The following HIVEP3 variants were observed in gnomAD, a reference collection of about 807,000 sequenced individuals.
HIVEP3 encodes transcription factor HIVEP3.
Under a neutral mutation model 152.8 loss-of-function variants are expected in HIVEP3, and 49 were observed. The ratio of observed to expected loss-of-function variants is 0.32; its 90% CI spans 0.26 to 0.41. The LOEUF (loss-of-function observed/expected upper bound fraction) is 0.41, where lower values mean the gene tolerates loss of function less well. Among genes scored for constraint, HIVEP3 ranks in the 10% least tolerant of loss-of-function variants. The pLI is 1.00. For synonymous variants in HIVEP3, 1,269 were observed against 1,289.0 expected (o/e 0.98, Z 0.33); for missense variants, 2,790 against 3,103.3 (o/e 0.90, Z 2.40).
At chr1:41,579,612 A>T in intron 4 of HIVEP3, 125 bp downstream of exon 4, 1 of 1,106,754 alleles carries the variant, frequency 9.0e-7, no homozygotes, top group Non-Finnish European at 1.3e-6. Flanking sequence ...CAGCTTTCAG[A>T]GAGGAAATCT....
intron 1 of HIVEP3, among the ~76,000 whole-genome samples, chr1:41,983,292 C>G (rs1000582299): frequency 6.6e-6 from 1 of 152,188 alleles, no homozygotes; most frequent in Non-Finnish European, 1.5e-5. Flanking sequence ...AAATTACTTA[C>G]AGCAATGAAA....
chr1:41,930,904 T>C (rs747122598), intron 1 of HIVEP3, among the ~76,000 whole-genome samples: 1 of 152,200 alleles, frequency 6.6e-6, no homozygotes, highest in Non-Finnish European at 1.5e-5. Context: ...CATATGCTTA[T>C]TTGCCATCAT....
intron 2 of HIVEP3, among the ~76,000 whole-genome samples, chr1:41,656,453 T>C (rs562591892): frequency 6.6e-6 from 1 of 152,306 alleles, no homozygotes; most frequent in Admixed American, 6.5e-5. Flanking sequence ...CCCAATTCCT[T>C]TGTGGGCTGG....
intron 5 of HIVEP3, among the ~76,000 whole-genome samples, chr1:41,555,575 C>T (rs1017428592): frequency 1.8e-4 from 28 of 152,334 alleles, no homozygotes; most frequent in African/African-American, 4.8e-4. Context: ...CCGTCTTCTG[C>T]GTCGATCACG....
chr1:41,647,989 C>A (rs1184380048), intron 2 of HIVEP3, among the ~76,000 whole-genome samples: 1 of 152,218 alleles, frequency 6.6e-6, no homozygotes. Flanking sequence ...GTGAGCCTTG[C>A]CAGCCTGCTC....
intron 1 of HIVEP3, among the ~76,000 whole-genome samples, chr1:41,930,935 T>C (rs1371016439): frequency 2.6e-5 from 4 of 152,206 alleles, no homozygotes; most frequent in Admixed American, 2.6e-4. Flanking sequence ...TGGTAAAACA[T>C]ATGTTCAAAT....
chr1:42,021,547 A>C (rs1645554303), intron 1 of HIVEP3, among the ~76,000 whole-genome samples: 1 of 152,176 alleles, frequency 6.6e-6, no homozygotes, highest in Non-Finnish European at 1.5e-5. Context: ...TCAAGTGGAG[A>C]ATCTTGGTGG....
intron 1 of HIVEP3, among the ~76,000 whole-genome samples, chr1:41,955,339 C>T (rs954904756): frequency 9.9e-5 from 15 of 151,988 alleles, no homozygotes; most frequent in African/African-American, 3.4e-4. Context: ...TGAATTGGTT[C>T]CCTCCTATGT....
At chr1:41,725,518 C>T (rs1558214283) in intron 1 of HIVEP3, among the ~76,000 whole-genome samples, 1 of 152,218 alleles carries the variant, frequency 6.6e-6, no homozygotes, top group Non-Finnish European at 1.5e-5. Flanking sequence ...AAAGCCCAAA[C>T]TATTGTCTGT....
intron 5 of HIVEP3, among the ~76,000 whole-genome samples, chr1:41,530,770 C>T (rs1052001268): frequency 6.6e-6 from 1 of 152,230 alleles, no homozygotes; most frequent in Non-Finnish European, 1.5e-5. Flanking sequence ...GGTCCATCTG[C>T]CCCAGCTGCT....
At chr1:41,820,906 T>C (rs1642576202) in intron 1 of HIVEP3, among the ~76,000 whole-genome samples, 1 of 152,230 alleles carries the variant, frequency 6.6e-6, no homozygotes, top group South Asian at 2.1e-4. Context: ...TAAGAAATCC[T>C]TTATCTCTAC....
At chr1:41,738,280 A>G (rs1393013917) in intron 1 of HIVEP3, among the ~76,000 whole-genome samples, 1 of 152,150 alleles carries the variant, frequency 6.6e-6, no homozygotes, top group African/African-American at 2.4e-5. Context: ...CAGAAATCGC[A>G]GGCACTGTCG....
At chr1:41,531,514 A>G (rs1190585311) in intron 5 of HIVEP3, among the ~76,000 whole-genome samples, 33 of 53,270 alleles carry the variant, frequency 6.2e-4, no homozygotes, top group South Asian at 1.2e-3. Context: ...CAGGGGCGAT[A>G]GAGGACAGGA....
At chr1:41,547,114 A>G (rs780791996) in intron 5 of HIVEP3, among the ~76,000 whole-genome samples, 1 of 152,188 alleles carries the variant, frequency 6.6e-6, no homozygotes, top group Admixed American at 6.5e-5. Flanking sequence ...AGAGAGGCAC[A>G]GTGACTTGCC....
chr1:41,856,610 C>T (rs552213800), intron 1 of HIVEP3, among the ~76,000 whole-genome samples: 3 of 152,266 alleles, frequency 2.0e-5, no homozygotes, highest in African/African-American at 7.2e-5. Flanking sequence ...CCACAAATTC[C>T]GCACTCCCTC....
chr1:41,862,887 A>T (rs992992449), intron 1 of HIVEP3, among the ~76,000 whole-genome samples: 1 of 152,252 alleles, frequency 6.6e-6, no homozygotes, highest in African/African-American at 2.4e-5. Context: ...GAAGATAAGC[A>T]GGTTCCCTTT....
intron 1 of HIVEP3, among the ~76,000 whole-genome samples, chr1:41,944,498 T>G (rs1458458434): frequency 6.6e-6 from 1 of 152,146 alleles, no homozygotes; most frequent in Non-Finnish European, 1.5e-5. Flanking sequence ...TAAGAACTGT[T>G]GTTTATGGGA....
intron 1 of HIVEP3, among the ~76,000 whole-genome samples, chr1:41,710,637 C>T (rs892026889): frequency 5.3e-5 from 8 of 152,178 alleles, no homozygotes; most frequent in East Asian, 1.9e-4. Flanking sequence ...AAAGAGCCCC[C>T]GCCCAGGCTT....
At chr1:41,922,256 A>G (rs1412722280), upstream of HIVEP3, among the ~76,000 whole-genome samples, 2 of 152,236 alleles carry the variant, frequency 1.3e-5, no homozygotes, top group African/African-American at 4.8e-5. Context: ...AGGTTGCTTA[A>G]AAGGAAAGAA....
Sources: allele counts gnomAD v4.1 joint callset (sites outside exome capture counted in the v4.1 genomes callset), GRCh38; gene constraint gnomAD v4.1.1; transcripts MANE v1.5; gene names NCBI Gene and HGNC (gene_info 2026-07-23, HGNC 2026-07-21).